The following PDZD2 variants were observed in gnomAD, a reference collection of about 807,000 sequenced individuals.
PDZD2 encodes the protein PDZ domain containing 2.
PDZD2 carries 90 observed loss-of-function variants against 220.7 expected under a neutral mutation model. The observed-to-expected ratio is 0.41, with a 90% CI of 0.34 to 0.49. PDZD2 has a LOEUF of 0.49. Ranked by LOEUF, PDZD2 falls within the 20% of genes least tolerant of loss-of-function variation. The pLI, the probability that PDZD2 is intolerant of heterozygous loss-of-function variation, is 0.28. For synonymous variants in PDZD2, 1,375 were observed against 1,450.5 expected (o/e 0.95, Z 1.18); for missense variants, 3,174 against 3,608.5 (o/e 0.88, Z 3.08).
At chr5:31,883,593 A>G (rs898254856) in intron 2 of PDZD2, among the ~76,000 whole-genome samples, 42 of 149,714 alleles carry the variant, frequency 2.8e-4, no homozygotes, top group Non-Finnish European at 2.4e-4. Flanking sequence ...TTTTCAGATC[A>G]AATTTGAATT....
At chr5:31,798,145 T>C (rs11738489) in intron 1 of PDZD2, among the ~76,000 whole-genome samples, 26,927 of 152,154 alleles carry the variant, frequency 0.18, 2,551 homozygotes, top group Middle Eastern at 0.21. Flanking sequence ...CACCACTGTA[T>C]TCAATGTGTT....
intron 1 of PDZD2, among the ~76,000 whole-genome samples, chr5:31,783,498 A>C (rs1412285949): frequency 4.6e-5 from 7 of 152,170 alleles, no homozygotes; most frequent in African/African-American, 1.7e-4. Context: ...GGTTATTTTC[A>C]CATAGTTTCT....
At chr5:31,669,929 C>A (rs1746151209) in intron 1 of PDZD2, among the ~76,000 whole-genome samples, 1 of 152,138 alleles carries the variant, frequency 6.6e-6, no homozygotes, top group African/African-American at 2.4e-5. Flanking sequence ...CTATACTAAA[C>A]CTTTTAATAA....
At chr5:31,833,646 A>AAG (rs1554081036) in intron 2 of PDZD2, among the ~76,000 whole-genome samples, 42 of 4,604 alleles carry the variant, frequency 9.1e-3, no homozygotes, top group Non-Finnish European at 0.026. Flanking sequence ...AAAAAAAAAA[A>AAG]AAAAGAAAAG....
intron 2 of PDZD2, among the ~76,000 whole-genome samples, chr5:31,946,733 C>T (rs957995289): frequency 5.9e-5 from 9 of 152,040 alleles, no homozygotes; most frequent in African/African-American, 2.2e-4. Context: ...GCTCTGTTGC[C>T]CAGGTTGGAG....
rs962180542 is a variant in PDZD2 at position 32,014,553 on chromosome 5, A to G, written c.1407+4071A>G. Among the ~76,000 whole-genome samples the G allele has an allele frequency of 1.6e-4, 24 of 151,976 alleles. 1 individual carries two copies. The highest frequency in any genetic ancestry group is 9.8e-4 in the Admixed American group (15 of 15,252). On this transcript the variant is annotated intron_variant, in intron 6 of 24. Transcript: ENST00000438447. Reference sequence around the variant, plus strand: ...TCGCCGTCTGCCACGACTCACCCCCACTGTCACCACCACCACAAGATTAAA... The same window carrying G: ...TCGCCGTCTGCCACGACTCACCCCCGCTGTCACCACCACCACAAGATTAAA...
intron 2 of PDZD2, among the ~76,000 whole-genome samples, chr5:31,928,684 C>T (rs1439842417): frequency 6.6e-6 from 1 of 152,102 alleles, no homozygotes; most frequent in East Asian, 1.9e-4. Context: ...CCATGTTGGC[C>T]AAGCTGGTCT....
intron 6 of PDZD2, among the ~76,000 whole-genome samples, chr5:32,022,876 T>C (rs1246219473): frequency 6.6e-6 from 1 of 152,102 alleles, no homozygotes; most frequent in Non-Finnish European, 1.5e-5. Context: ...GTCAGAGTTT[T>C]TAAGATTACT....
At chr5:31,870,280 C>T (rs1237480256) in intron 2 of PDZD2, among the ~76,000 whole-genome samples, 3 of 152,168 alleles carry the variant, frequency 2.0e-5, no homozygotes, top group African/African-American at 7.2e-5. Flanking sequence ...GTAGAGTCCA[C>T]CCCGGCCCCT....
At chr5:31,855,274 C>G in intron 2 of PDZD2, 1 of 251,716 alleles carries the variant, frequency 4.0e-6, no homozygotes, top group Non-Finnish European at 6.3e-6. Context: ...GCCACAGCCT[C>G]GGAGGCGCGG....
chr5:32,066,961 T>C (rs1239586836), intron 14 of PDZD2, among the ~76,000 whole-genome samples: 1 of 152,246 alleles, frequency 6.6e-6, no homozygotes, highest in African/African-American at 2.4e-5. Flanking sequence ...TTTGACTGGA[T>C]TTCATGTTTC....
chr5:31,884,284 C>T (rs1740226495), intron 2 of PDZD2, among the ~76,000 whole-genome samples: 1 of 148,688 alleles, frequency 6.7e-6, no homozygotes, highest in Non-Finnish European at 1.5e-5. Context: ...TTCACAGACA[C>T]GTAACAGAGA....
chr5:31,674,106 C>T (rs1746315257), intron 1 of PDZD2, among the ~76,000 whole-genome samples: 1 of 152,186 alleles, frequency 6.6e-6, no homozygotes, highest in South Asian at 2.1e-4. Context: ...GCCTCCAGAA[C>T]CATGAGAAAT....
rs574337563 is a variant in PDZD2, at chr5:31,720,338, A to G, written c.-360-78551A>G. Among the ~76,000 whole-genome samples, 38 of 152,362 alleles carry G rather than the reference A, an allele frequency of 2.5e-4. No homozygotes were observed. In the South Asian group the frequency reaches 7.9e-3, roughly 32 times the overall value. On this transcript the variant is annotated intron_variant, in intron 1 of 24. Coordinates refer to ENST00000438447, the MANE Select transcript of PDZD2 (RefSeq NM_178140.4). Reference sequence around the variant, plus strand: ...TAACCAAAAAGCATAGCAGGTATCCATTCTAAGCTCCCAGTCTAATGGAAT... The same window carrying G: ...TAACCAAAAAGCATAGCAGGTATCCGTTCTAAGCTCCCAGTCTAATGGAAT...
At chr5:31,689,019 AT>A (rs772568186) in intron 1 of PDZD2, among the ~76,000 whole-genome samples, 67 of 152,206 alleles carry the variant, frequency 4.4e-4, no homozygotes, top group Non-Finnish European at 6.2e-4. Context: ...TCCAGACCCT[AT>A]TTCCAGATGA....
intron 2 of PDZD2, among the ~76,000 whole-genome samples, chr5:31,939,632 A>G (rs1306442868): frequency 6.6e-6 from 1 of 152,164 alleles, no homozygotes; most frequent in Non-Finnish European, 1.5e-5. Flanking sequence ...GAGCCATGCA[A>G]CCAAGCTGGC....
rs114903105 is a variant in PDZD2, at chr5:31,779,701, A to G, written c.-360-19188A>G. On this transcript the variant is annotated intron_variant, in intron 1 of 24. Coordinates refer to ENST00000438447, the MANE Select transcript of PDZD2 (RefSeq NM_178140.4). ...AATTGGGAATCTCTTGAAGCCAAAA[A>G]CAGAACCTGTTCAGTTTGTATTTTT... 4.4e-3 allele frequency among the ~76,000 whole-genome samples: 665 copies of G among 152,150 alleles called. 6 individuals are homozygous for G. Among genetic ancestry groups the G allele is most frequent in the African/African-American group, 0.014 (602 of 41,524 alleles).
intron 2 of PDZD2, among the ~76,000 whole-genome samples, chr5:31,976,615 C>G (rs1749785835): frequency 6.6e-6 from 1 of 151,894 alleles, no homozygotes; most frequent in Non-Finnish European, 1.5e-5. Context: ...CTTCAGAATT[C>G]TCTTGTGTTT....
At chr5:31,652,563 T>G (rs1745391937) in intron 1 of PDZD2, among the ~76,000 whole-genome samples, 1 of 152,248 alleles carries the variant, frequency 6.6e-6, no homozygotes, top group Admixed American at 6.5e-5. Context: ...TAATGTTTAT[T>G]TAGCACATGC....
Sources: gnomAD v4.1 joint callset for allele counts (sites outside exome capture counted in the v4.1 genomes callset) on GRCh38, gnomAD v4.1.1 for gene constraint, MANE v1.5 for transcripts, NCBI Gene and HGNC (gene_info 2026-07-23, HGNC 2026-07-21) for gene names.